The following FREM2 variants were observed in gnomAD, a reference collection of about 807,000 sequenced individuals.
FREM2 encodes FRAS1-related extracellular matrix protein 2.
A neutral mutation model predicts 219.9 loss-of-function variants in FREM2; 119 were observed. The ratio of observed to expected loss-of-function variants is 0.54; its 90% CI spans 0.47 to 0.63. The LOEUF (loss-of-function observed/expected upper bound fraction) is 0.63. Ranked by LOEUF, FREM2 falls within the 30% of genes least tolerant of loss-of-function variation. FREM2 has a pLI of 0.00. For synonymous variants in FREM2, 1,562 were observed against 1,522.8 expected (o/e 1.03, Z -0.60); for missense variants, 4,030 against 3,993.6 (o/e 1.01, Z -0.25).
At chr13:38,757,508 G>C (rs1232944550) in intron 2 of FREM2, among the ~76,000 whole-genome samples, 3 of 152,148 alleles carry the variant, frequency 2.0e-5, no homozygotes, top group Non-Finnish European at 4.4e-5. Context: ...ACTATAAGCT[G>C]TGTGTGTCCA....
At chr13:38,744,485 TTTATTA>T (rs901717235) in intron 2 of FREM2, among the ~76,000 whole-genome samples, 4 of 151,654 alleles carry the variant, frequency 2.6e-5, no homozygotes, top group Admixed American at 2.0e-4. Context: ...CTCCAATTAT[TTTATTA>T]TTATTATTAT....
chr13:38,714,306 G>A (rs1870895444), intron 2 of FREM2, among the ~76,000 whole-genome samples: 1 of 152,186 alleles, frequency 6.6e-6, no homozygotes, highest in African/African-American at 2.4e-5. Flanking sequence ...AGGGCATGGG[G>A]CTACAAGAAC....
rs567328284 is a variant in FREM2 at position 38,808,748 on chromosome 13, C to T, written c.6019+23940C>T. Among the ~76,000 whole-genome samples the T allele has an allele frequency of 4.6e-5, 7 of 151,936 alleles. No homozygotes were observed. The East Asian group carries it at 1.4e-3, about 30-fold the overall frequency. On this transcript the variant is annotated intron_variant, in intron 6 of 23. Coordinates refer to ENST00000280481, the MANE Select transcript of FREM2 (RefSeq NM_207361.6). The stretch of plus-strand genomic sequence containing the variant: ...GATCACTGATCATAGGACACTATAA[C>T]AACTGTAATAATAATAAGTTTGAAA...
Position 38,861,467 on chromosome 13 carries a change from C to G in FREM2, c.7556C>G (p.Ala2519Gly), listed in dbSNP as rs746368361. 23 of 1,604,278 alleles carry G rather than the reference C, an allele frequency of 1.4e-5. No individual in the cohort carries two copies. The highest frequency in any genetic ancestry group is 1.6e-5 in the Non-Finnish European group (19 of 1,173,926). Residue 2519 changes from alanine to glycine, a missense_variant, in exon 15 of 24, where the codon GCA (alanine) becomes GGA (glycine). This residue lies in a region of FREM2 where 928 missense variants were observed against 1,042.9 expected (regional missense o/e 0.89). Transcript: ENST00000280481. Reference sequence around the variant, plus strand: ...CCCCGTGTACCTGGGGTTGTTGGAGCAGAGCCGTTCTCAGCTAAATTGCGC... The same window carrying G: ...CCCCGTGTACCTGGGGTTGTTGGAGGAGAGCCGTTCTCAGCTAAATTGCGC... Reference protein sequence around the residue: ...CQPRVPGVVGAEPFSAKLRYT... With the variant: ...CQPRVPGVVGGEPFSAKLRYT...
At position 38,715,603 on chromosome 13, in the gene FREM2, GT is replaced by G. The variant is rs962765152; in HGVS notation, c.5263+17828del. On this transcript the variant is annotated intron_variant, in intron 2 of 23. Transcript: ENST00000280481. Reference sequence around the variant, plus strand: ...ACAATCACTTCTAATGCACCAGTTGGTTTTTTTTTTTTATTTAGAAGGCAAT... The same window carrying G: ...ACAATCACTTCTAATGCACCAGTTGGTTTTTTTTTTTATTTAGAAGGCAAT... 3.9e-3 allele frequency among the ~76,000 whole-genome samples: 563 copies of G among 144,800 alleles called. 1 individual carries two copies. Among genetic ancestry groups the G allele is most frequent in the Non-Finnish European group, 4.9e-3 (322 of 65,626 alleles). The allele number at this position is 144,800 out of a possible 152,430, so 95.0% of individuals were successfully genotyped here. A position where few individuals can be genotyped will look rare whatever the true frequency, so the allele number is the denominator to read the frequency against.
chr13:38,825,450 T>G (rs374559114), intron 6 of FREM2, among the ~76,000 whole-genome samples: 1 of 152,026 alleles, frequency 6.6e-6, no homozygotes, highest in Non-Finnish European at 1.5e-5. Flanking sequence ...AAAACCCACA[T>G]GTAGTATATT....
chr13:38,740,363 CTG>C (rs1872194016), intron 2 of FREM2, among the ~76,000 whole-genome samples: 1 of 152,118 alleles, frequency 6.6e-6, no homozygotes, highest in Admixed American at 6.5e-5. Context: ...TGATAGTAAA[CTG>C]AGATTTTTGA....
rs774561102 is a variant in FREM2, at chr13:38,691,770, G to C, written c.4426G>C (p.Gly1476Arg). 6.2e-7 allele frequency: 1 copy of C among 1,614,094 alleles called. No homozygotes were observed. Among genetic ancestry groups the C allele is most frequent in the South Asian group, 1.1e-5 (1 of 91,080 alleles). Residue 1476 changes from glycine (G) to arginine (R), a missense_variant, in exon 1 of 24, where the codon GGT becomes CGT. Transcript: ENST00000280481. Reference protein sequence around the residue: ...RGHLECTDQPGVSITSFTQLQ... With the variant: ...RGHLECTDQPRVSITSFTQLQ... ...TCACCTGGAATGCACGGATCAGCCT[G>C]GTGTGTCCATCACGTCTTTCACTCA...
chr13:38,859,175 C>A, intron 13 of FREM2, 112 bp from the exon 14 acceptor site: 2 of 994,078 alleles, frequency 2.0e-6, no homozygotes, highest in South Asian at 1.3e-5. Flanking sequence ...GTATAAACAG[C>A]ATGTGGAAAT....
chr13:38,691,423 C>A lies in FREM2; in HGVS notation c.4079C>A (p.Ala1360Asp), dbSNP rs1330737479. 1 of 1,614,060 alleles carries A rather than the reference C, an allele frequency of 6.2e-7. No homozygotes were observed. Among genetic ancestry groups the A allele is most frequent in the Admixed American group, 1.7e-5 (1 of 60,018 alleles). Residue 1360 changes from alanine (A) to aspartate (D), a missense_variant, in exon 1 of 24, where the codon GCC (alanine) becomes GAC (aspartate). Physicochemically the swap from Ala to Asp is moderately radical, Grantham distance 126 (BLOSUM62 -2). Coordinates refer to ENST00000280481, the MANE Select transcript of FREM2 (RefSeq NM_207361.6). ...TTACAGAGACGAAAACCTACTGGTG[C>A]CTTTGAAAATATCACACTGGGCATG... ...GLLQRRKPTGAFENITLGMNF... is the reference protein window; with the variant it reads ...GLLQRRKPTGDFENITLGMNF...
At chr13:38,785,485 A>G (rs768324853) in intron 6 of FREM2, among the ~76,000 whole-genome samples, 2 of 152,212 alleles carry the variant, frequency 1.3e-5, no homozygotes, top group Non-Finnish European at 2.9e-5. Flanking sequence ...AAACTGAGAG[A>G]TGGGACACCC....
chr13:38,818,194 A>T (rs968835053), intron 6 of FREM2, among the ~76,000 whole-genome samples: 5 of 152,154 alleles, frequency 3.3e-5, no homozygotes, highest in African/African-American at 1.2e-4. Context: ...ATTTACTGAA[A>T]ATATTTGAAA....
intron 11 of FREM2, among the ~76,000 whole-genome samples, chr13:38,854,755 AG>A (rs1877493896): frequency 6.6e-6 from 1 of 152,182 alleles, no homozygotes; most frequent in Non-Finnish European, 1.5e-5. Flanking sequence ...AAAAAGAAAA[AG>A]AAAAAAATCT....
intron 2 of FREM2, among the ~76,000 whole-genome samples, chr13:38,746,737 G>A (rs1441866885): frequency 2.0e-5 from 3 of 152,162 alleles, no homozygotes; most frequent in Non-Finnish European, 4.4e-5. Context: ...TATCATTTAA[G>A]TCAGGAGGGA....
chr13:38,795,286 G>A (rs1036678417), intron 6 of FREM2, among the ~76,000 whole-genome samples: 1 of 151,204 alleles, frequency 6.6e-6, no homozygotes, highest in Non-Finnish European at 1.5e-5. Flanking sequence ...CAAGCCTGTT[G>A]TACACCCTGG....
chr13:38,825,601 G>T (rs1165287882), intron 6 of FREM2, among the ~76,000 whole-genome samples: 1 of 152,076 alleles, frequency 6.6e-6, no homozygotes, highest in Non-Finnish European at 1.5e-5. Context: ...GAAAGCTCTG[G>T]CTGCTGCAGT....
At chr13:38,818,779 A>T (rs948297888) in intron 6 of FREM2, among the ~76,000 whole-genome samples, 3 of 152,098 alleles carry the variant, frequency 2.0e-5, no homozygotes, top group Non-Finnish European at 4.4e-5. Context: ...CCTGGCCAAC[A>T]TAGTGAAACC....
At chr13:38,839,459 G>A (rs1466641815) in intron 6 of FREM2, among the ~76,000 whole-genome samples, 2 of 152,216 alleles carry the variant, frequency 1.3e-5, no homozygotes, top group Non-Finnish European at 2.9e-5. Flanking sequence ...ACTTGAGGAG[G>A]CAGTCTGTCC....
chr13:38,767,534 A>C (rs1455079285), intron 3 of FREM2, among the ~76,000 whole-genome samples: 1 of 152,236 alleles, frequency 6.6e-6, no homozygotes, highest in Non-Finnish European at 1.5e-5. Context: ...CTGATGAAAG[A>C]AAACAAAACA....
Sources: allele counts gnomAD v4.1 joint callset (sites outside exome capture counted in the v4.1 genomes callset), GRCh38; gene constraint gnomAD v4.1.1; regional missense constraint gnomAD v4.1.1; transcripts MANE v1.5; gene names NCBI Gene and HGNC (gene_info 2026-07-23, HGNC 2026-07-21).